ERICH1: variants seen among roughly 807,000 people sequenced by gnomAD.
ERICH1 encodes glutamate-rich protein 1.
ERICH1 carries 56 observed loss-of-function variants against 39.6 expected under a neutral mutation model. The observed-to-expected ratio is 1.41, with a 90% CI of 1.14 to 1.77. ERICH1 has a LOEUF of 1.77. Ranked by LOEUF, ERICH1 falls within the 40% of genes most tolerant of loss-of-function variation. The pLI is 0.00. For missense variants in ERICH1, 826 were observed against 575.4 expected (o/e 1.44, Z -4.45); for synonymous variants, 313 against 223.6 (o/e 1.40, Z -3.57).
At chr8:674,309 T>TG (rs1804164524) in intron 3 of ERICH1, among the ~76,000 whole-genome samples, 1 of 149,668 alleles carries the variant, frequency 6.7e-6, no homozygotes, top group African/African-American at 2.5e-5. Flanking sequence ...TTTTTTTTTT[T>TG]TTTTTTTTCC....
chr8:625,776 T>C (rs1014007537), intron 3 of ERICH1: 1 of 152,238 alleles, frequency 6.6e-6, no homozygotes, highest in East Asian at 1.9e-4. Flanking sequence ...TGTTCCGTCG[T>C]TGACTTGTGT....
intron 3 of ERICH1, among the ~76,000 whole-genome samples, chr8:692,019 G>A (rs1171038331): frequency 6.6e-6 from 1 of 152,052 alleles, no homozygotes; most frequent in African/African-American, 2.4e-5. Context: ...AACAACAATA[G>A]GAATTATAAT....
intron 2 of ERICH1, among the ~76,000 whole-genome samples, chr8:707,225 T>TC (rs1813494654): frequency 1.4e-5 from 2 of 140,396 alleles, no homozygotes; most frequent in African/African-American, 5.1e-5. Flanking sequence ...TTTTTTTTTT[T>TC]TAGACAGAGT....
At position 695,904 on chromosome 8, in the gene ERICH1, GCACT is replaced by G. The variant is rs1810133217; in HGVS notation, c.170-3296_170-3293del. Reference sequence around the variant, plus strand: ...TCCTCTCCTTCCTCCCCATCAGCCTGCACTCGCTCCTCTCACCCTCCACTCCTCT... The same window carrying G: ...TCCTCTCCTTCCTCCCCATCAGCCTGCGCTCCTCTCACCCTCCACTCCTCT... On this transcript the variant is annotated intron_variant, in intron 2 of 5. Transcript: ENST00000262109. Among the ~76,000 whole-genome samples the G allele has an allele frequency of 5.7e-5, 6 of 105,940 alleles. 1 individual carries two copies. The highest frequency in any genetic ancestry group is 2.0e-4 in the African/African-American group (5 of 24,598). The allele number at this position is 105,940 out of a possible 152,430, so 69.5% of individuals were successfully genotyped here. A position where few individuals can be genotyped will look rare whatever the true frequency, so the allele number is the denominator to read the frequency against.
chr8:620,580 C>T (rs336420), intron 3 of ERICH1, among the ~76,000 whole-genome samples: 111,624 of 152,056 alleles, frequency 0.73, 42,163 homozygotes, highest in East Asian at 0.94. Flanking sequence ...TTTAAAAATA[C>T]AAATGAGTTG....
At chr8:683,501 A>G (rs1806606816) in intron 3 of ERICH1, among the ~76,000 whole-genome samples, 2 of 152,130 alleles carry the variant, frequency 1.3e-5, no homozygotes, top group African/African-American at 4.8e-5. Flanking sequence ...AAAAAAATGG[A>G]TTCTCGCTCT....
chr8:616,726 A>G (rs1392975397), intron 3 of ERICH1: 9 of 386,848 alleles, frequency 2.3e-5, no homozygotes, highest in Non-Finnish European at 4.6e-5. Flanking sequence ...ACACTCAGAG[A>G]GATAGGGAAG....
chr8:665,510 C>G (rs1286967461), intron 5 of ERICH1, among the ~76,000 whole-genome samples: 1 of 152,196 alleles, frequency 6.6e-6, no homozygotes, highest in African/African-American at 2.4e-5. Context: ...TCCCCCCAGG[C>G]AGGCTCCATC....
At chr8:727,387 T>C (rs555685381) in intron 1 of ERICH1, among the ~76,000 whole-genome samples, 1 of 152,230 alleles carries the variant, frequency 6.6e-6, no homozygotes, top group African/African-American at 2.4e-5. Context: ...GTTGGGGCAA[T>C]CCACTCCCTG....
At chr8:654,083 G>A (rs576501225) in intron 3 of ERICH1, among the ~76,000 whole-genome samples, 1 of 152,254 alleles carries the variant, frequency 6.6e-6, no homozygotes, top group Admixed American at 6.5e-5. Context: ...CAGAGTTTAG[G>A]TTTGGGAACT....
At chr8:683,401 G>C (rs925614888) in intron 3 of ERICH1, among the ~76,000 whole-genome samples, 7 of 152,238 alleles carry the variant, frequency 4.6e-5, no homozygotes, top group African/African-American at 1.4e-4. Flanking sequence ...CTGTGAGACG[G>C]GGAGCACCCC....
Position 637,106 on chromosome 8 carries a change from G to A in ERICH1, c.977-21822C>T, listed in dbSNP as rs188153904. ...CCTGTTGCCTGAAGGCTAACGACAC[G>A]TTTCTGCTTCTCTCTTCTCTCTGCA... On this transcript the variant is annotated intron_variant, in intron 3 of 3. Transcript: ENST00000522706. 2.1e-4 allele frequency among the ~76,000 whole-genome samples: 32 copies of A among 152,336 alleles called. No homozygotes were observed. The East Asian group carries it at 4.6e-3, about 22-fold the overall frequency.
At chr8:713,050 G>C (rs1703953) in intron 2 of ERICH1, among the ~76,000 whole-genome samples, 68,917 of 152,162 alleles carry the variant, frequency 0.45, 16,496 homozygotes, top group East Asian at 0.89. Context: ...AGCAGGGCTG[G>C]CTTTGGACCT....
chr8:622,956 C>CAATG (rs1554477979), intron 3 of ERICH1, among the ~76,000 whole-genome samples: 2 of 143,866 alleles, frequency 1.4e-5, no homozygotes, highest in Non-Finnish European at 3.0e-5. Context: ...GATCCGCTCT[C>CAATG]AATAAATAAA....
chr8:631,081 T>G (rs1006297706), intron 3 of ERICH1, among the ~76,000 whole-genome samples: 1 of 152,008 alleles, frequency 6.6e-6, no homozygotes, highest in Non-Finnish European at 1.5e-5. Context: ...TACCCTCCCA[T>G]GAGCAACCAT....
chr8:672,398 A>T (rs903667400), intron 4 of ERICH1, among the ~76,000 whole-genome samples: 6 of 152,228 alleles, frequency 3.9e-5, no homozygotes, highest in African/African-American at 1.4e-4. Context: ...AATCTATTAA[A>T]AATGGTACTT....
At chr8:715,382 G>A (rs1353281025) in intron 2 of ERICH1, among the ~76,000 whole-genome samples, 1 of 152,192 alleles carries the variant, frequency 6.6e-6, no homozygotes, top group Non-Finnish European at 1.5e-5. Context: ...GGACTCTCAT[G>A]GCAGATGATC....
At chr8:689,422 C>G (rs1347911685) in intron 3 of ERICH1, among the ~76,000 whole-genome samples, 1 of 152,196 alleles carries the variant, frequency 6.6e-6, no homozygotes, top group East Asian at 1.9e-4. Context: ...CACCTATGAT[C>G]TTGACTTGAT....
At chr8:668,478 C>T in intron 5 of ERICH1, 120 bp downstream of exon 5, 2 of 934,494 alleles carry the variant, frequency 2.1e-6, no homozygotes, top group Non-Finnish European at 3.4e-6. Flanking sequence ...TCTCCCATGC[C>T]ATATGTGCAG....
Sources: allele counts gnomAD v4.1 joint callset (sites outside exome capture counted in the v4.1 genomes callset), GRCh38; gene constraint gnomAD v4.1.1; transcripts MANE v1.5; gene names NCBI Gene and HGNC (gene_info 2026-07-23, HGNC 2026-07-21).